Variants in PPEF2 observed in about 807,000 individuals in gnomAD.
PPEF2 encodes the protein protein phosphatase with EF-hand domain 2.
Under a neutral mutation model 84.7 loss-of-function variants are expected in PPEF2, and 84 were observed. The ratio of observed to expected loss-of-function variants is 0.99; its 90% CI spans 0.83 to 1.19. The LOEUF is 1.19. Among genes scored for constraint, PPEF2 ranks in the 50% most tolerant of loss-of-function variants. The pLI, the probability that PPEF2 is intolerant of heterozygous loss-of-function variation, is 0.00. For synonymous variants in PPEF2, 346 were observed against 345.2 expected (o/e 1.00, Z -0.03); for missense variants, 924 against 937.5 (o/e 0.99, Z 0.19).
chr4:75,873,397 G>A (rs1466494574), intron 11 of PPEF2, 85 bp from the exon 12 acceptor site: 3 of 1,197,640 alleles, frequency 2.5e-6, no homozygotes, highest in Non-Finnish European at 3.5e-6. Flanking sequence ...AGAGGAGGAG[G>A]AAAATATTTG....
chr4:75,861,640 C>T (rs1450649362), intron 16 of PPEF2, among the ~76,000 whole-genome samples: 12 of 66,798 alleles, frequency 1.8e-4, no homozygotes, highest in Admixed American at 2.2e-4. Context: ...GAGGGAGTCT[C>T]GCTCTGTCAC....
At chr4:75,876,249 C>A in intron 11 of PPEF2, 38 bp downstream of exon 11, 5 of 1,544,576 alleles carry the variant, frequency 3.2e-6, no homozygotes, top group Non-Finnish European at 4.4e-6. Context: ...GACCTGTTGG[C>A]AGCCACATGC....
intron 10 of PPEF2, among the ~76,000 whole-genome samples, chr4:75,880,075 G>A (rs142917917): frequency 4.1e-4 from 62 of 152,158 alleles, no homozygotes; most frequent in Middle Eastern, 3.4e-3. Flanking sequence ...TGATCCGCCC[G>A]CCTCGGCCTC....
intron 6 of PPEF2, 82 bp downstream of exon 6, chr4:75,888,132 C>G: frequency 4.6e-6 from 5 of 1,095,558 alleles, no homozygotes; most frequent in South Asian, 3.9e-5. Context: ...CCCTGCAGCC[C>G]GCCACTCCTC....
chr4:75,887,418 A>G (rs1365349434), intron 6 of PPEF2, among the ~76,000 whole-genome samples: 4 of 152,068 alleles, frequency 2.6e-5, no homozygotes, highest in Admixed American at 6.6e-5. Flanking sequence ...TCAGGAGATA[A>G]AGACCATCCC....
intron 16 of PPEF2, among the ~76,000 whole-genome samples, chr4:75,863,815 A>G (rs1316080118): frequency 6.6e-6 from 1 of 151,386 alleles, no homozygotes; most frequent in African/African-American, 2.4e-5. Context: ...AGCACTTTTC[A>G]TTACTTTGTG....
intron 13 of PPEF2, among the ~76,000 whole-genome samples, chr4:75,871,042 C>T (rs1255902534): frequency 6.6e-6 from 1 of 151,774 alleles, no homozygotes; most frequent in Non-Finnish European, 1.5e-5. Flanking sequence ...CTCAGCTTCC[C>T]GTGTAGCTGG....
In PPEF2 at chr4:75,860,839, A is replaced by C. The variant is rs762049781; in HGVS notation, c.2090T>G (p.Ile697Ser). 7 of 1,614,260 alleles carry C rather than the reference A, an allele frequency of 4.3e-6. No homozygotes were observed. The highest frequency in any genetic ancestry group is 4.0e-5 in the African/African-American group (3 of 75,064). Residue 697 changes from isoleucine (I) to serine (S), a missense_variant, in exon 17 of 17, where the codon ATC (isoleucine) becomes AGC (serine). Ile to Ser is a moderately radical substitution (Grantham distance 142, BLOSUM62 -2). Coordinates refer to ENST00000286719, the MANE Select transcript of PPEF2 (RefSeq NM_006239.3). ...ATCAATGCTCCGAGCAAGGTCACAG[A>C]TGCAGTCATCTGTAATGTCGATATT... is the stretch of plus-strand genomic sequence containing the variant. ...HMNIDITDDC[I>S]CDLARSIDFN... is the part of the protein sequence containing the mutation.
chr4:75,867,254 G>A, intron 14 of PPEF2, 59 bp downstream of exon 14: 2 of 1,358,374 alleles, frequency 1.5e-6, no homozygotes, highest in Non-Finnish European at 2.1e-6. Flanking sequence ...ACTAGTGTAA[G>A]ACAGAGATTT....
At chr4:75,861,868 C>T (rs1200733001) in intron 16 of PPEF2, among the ~76,000 whole-genome samples, 7 of 149,406 alleles carry the variant, frequency 4.7e-5, no homozygotes, top group Non-Finnish European at 7.4e-5. Flanking sequence ...CTCGGCCTCC[C>T]AAAGTGCTGG....
In PPEF2 at chr4:75,863,875, CT is replaced by C. The variant is rs1276118881; in HGVS notation, c.2008+564del. Reference sequence around the variant, plus strand: ...GATATCACATCTTTCTTTCTTTCTTCTTTTTTTTTTTTTCCGCGACAGAGTC... The same window carrying C: ...GATATCACATCTTTCTTTCTTTCTTCTTTTTTTTTTTTCCGCGACAGAGTC... On this transcript the variant is annotated intron_variant, in intron 16 of 16. Coordinates refer to ENST00000286719, the MANE Select transcript of PPEF2 (RefSeq NM_006239.3). Among the ~76,000 whole-genome samples the C allele has an allele frequency of 3.3e-3, 465 of 143,060 alleles. 3 individuals are homozygous for C. In the East Asian group the frequency reaches 0.037, roughly 11 times the overall value. 93.9% of individuals were successfully genotyped at this position (143,060 alleles called of 152,430 possible).
chr4:75,864,465 A>G lies in PPEF2; in HGVS notation c.1983T>C (p.Phe661=). The change falls in exon 16 of 17, where the codon TTT becomes TTC. Residue 661 remains phenylalanine (F), a synonymous_variant. Coordinates refer to ENST00000286719, the MANE Select transcript of PPEF2 (RefSeq NM_006239.3). ...YRNRSNLETI[F]RIIDSDHSGF... ...CTGAATGATCACTGTCTATGATCCT[A>G]AAAATGGTCTCTAGGTTGGATCGGT... 6.2e-7 allele frequency: 1 copy of G among 1,610,416 alleles called. No individual in the cohort carries two copies. The highest frequency in any genetic ancestry group is 8.5e-7 in the Non-Finnish European group (1 of 1,176,678).
chr4:75,864,647 C>CTTAA, intron 15 of PPEF2, 120 bp from the exon 16 acceptor site: 1 of 749,490 alleles, frequency 1.3e-6, no homozygotes. Context: ...AATATTTTGC[C>CTTAA]ATCCCTCCAT....
intron 1 of PPEF2, among the ~76,000 whole-genome samples, chr4:75,901,242 G>A (rs1725114435): frequency 6.6e-6 from 1 of 152,166 alleles, no homozygotes; most frequent in Non-Finnish European, 1.5e-5. Flanking sequence ...ATGGCTGGGT[G>A]CCGTGGCTCA....
intron 15 of PPEF2, among the ~76,000 whole-genome samples, chr4:75,864,786 T>C (rs962390522): frequency 2.0e-5 from 3 of 152,194 alleles, no homozygotes; most frequent in Non-Finnish European, 2.9e-5. Context: ...TCTGAAATGC[T>C]TGGGACCAGA....
chr4:75,882,868 A>G (rs1414195930), intron 10 of PPEF2, 58 bp downstream of exon 10: 1 of 1,550,268 alleles, frequency 6.5e-7, no homozygotes, highest in African/African-American at 1.4e-5. Flanking sequence ...GATGACATTT[A>G]TATTGGCAAT....
intron 1 of PPEF2, among the ~76,000 whole-genome samples, chr4:75,901,641 G>T (rs921544705): frequency 3.9e-5 from 6 of 152,176 alleles, no homozygotes; most frequent in African/African-American, 1.4e-4. Context: ...GCCCGAGATT[G>T]TTGAATCAGC....
At position 75,876,420 on chromosome 4, in the gene PPEF2, A is replaced by G; in HGVS notation, c.1187T>C (p.Leu396Pro). Residue 396 changes from leucine to proline, a missense_variant, in exon 11 of 17, where the codon CTG becomes CCG. Leu to Pro is a moderately conservative substitution (Grantham distance 98). Coordinates refer to ENST00000286719, the MANE Select transcript of PPEF2 (RefSeq NM_006239.3). ...TTGCTGCCGGCACCGCTCTAGCTCC[A>G]GTTCCACGGAGCTCCGCACCTGCCG... The part of the protein sequence containing the change: ...LSRQVRSSVE[L>P]ELERCRQQAG... 2 of 1,614,146 alleles carry G rather than the reference A, an allele frequency of 1.2e-6. No homozygotes were observed. The highest frequency in any genetic ancestry group is 1.7e-6 in the Non-Finnish European group (2 of 1,180,032).
chr4:75,863,728 T>C (rs775034433), intron 16 of PPEF2, among the ~76,000 whole-genome samples: 6 of 151,996 alleles, frequency 3.9e-5, no homozygotes, highest in Non-Finnish European at 7.4e-5. Flanking sequence ...TAACTTCCTG[T>C]GAATCTATAA....
Sources: gnomAD v4.1 joint callset for allele counts (sites outside exome capture counted in the v4.1 genomes callset) on GRCh38, gnomAD v4.1.1 for gene constraint, MANE v1.5 for transcripts, NCBI Gene and HGNC (gene_info 2026-07-23, HGNC 2026-07-21) for gene names.